MIS18A: variants seen among roughly 807,000 people sequenced by gnomAD.
MIS18A encodes the protein MIS18 kinetochore protein A, also known as protein Mis18-alpha.
Under a neutral mutation model 25.0 loss-of-function variants are expected in MIS18A, and 14 were observed. That is an observed-to-expected ratio of 0.56 (90% CI 0.37 to 0.88). The LOEUF is 0.88. Among genes scored for constraint, MIS18A ranks in the 40% least tolerant of loss-of-function variants. The probability of loss-of-function intolerance (pLI) is 0.00; values close to 1 mark genes in which losing one functional copy is unlikely to be tolerated. For synonymous variants in MIS18A, 134 were observed against 118.6 expected (o/e 1.13, Z -0.84); for missense variants, 292 against 290.8 (o/e 1.00, Z -0.03).
At chr21:32,213,592 T>A in the MIS18A span, among the ~76,000 whole-genome samples, 4 of 152,204 alleles carry the variant, frequency 2.6e-5, no homozygotes, top group Non-Finnish European at 4.4e-5. Flanking sequence ...CTCTGTACCC[T>A]TTTCTACCTT....
chr21:32,255,628 G>A, the MIS18A span, among the ~76,000 whole-genome samples: 2 of 150,208 alleles, frequency 1.3e-5, no homozygotes, highest in African/African-American at 4.9e-5. Context: ...GGTGGCTCAC[G>A]CCTGTAATCC....
the MIS18A span, among the ~76,000 whole-genome samples, chr21:32,194,249 C>T: frequency 2.6e-5 from 4 of 152,262 alleles, no homozygotes; most frequent in Non-Finnish European, 5.9e-5. Flanking sequence ...TTTATCACAG[C>T]ACTATTCCCA....
chr21:32,192,148 T>C, the MIS18A span, among the ~76,000 whole-genome samples: 2 of 152,320 alleles, frequency 1.3e-5, no homozygotes, highest in Non-Finnish European at 2.9e-5. Flanking sequence ...AGTAGACTCC[T>C]GTGCCCAGAT....
chr21:32,271,988 G>A (rs758280211), intron 2 of MIS18A, among the ~76,000 whole-genome samples: 143 of 152,228 alleles, frequency 9.4e-4, no homozygotes, highest in South Asian at 8.3e-4. Flanking sequence ...GTTTTATCCC[G>A]AGTTATCAAA....
intron 2 of MIS18A, among the ~76,000 whole-genome samples, chr21:32,271,421 TCA>T (rs2031712606): frequency 6.6e-6 from 1 of 152,190 alleles, no homozygotes; most frequent in Admixed American, 6.5e-5. Flanking sequence ...TACCCAAGAC[TCA>T]CAGATTATAG....
intron 2 of MIS18A, 91 bp downstream of exon 2, chr21:32,274,739 C>A (rs2031778674): frequency 2.0e-6 from 2 of 990,290 alleles, no homozygotes; most frequent in Non-Finnish European, 3.0e-6. Flanking sequence ...AAAGTTTTAT[C>A]CCAAGTAATC....
the MIS18A span, among the ~76,000 whole-genome samples, chr21:32,210,528 G>C: frequency 6.6e-6 from 1 of 152,084 alleles, no homozygotes; most frequent in Non-Finnish European, 1.5e-5. Context: ...CATCAGATGG[G>C]ATCAGTGTAT....
the MIS18A span, among the ~76,000 whole-genome samples, chr21:32,208,763 G>T: frequency 6.6e-6 from 1 of 152,162 alleles, no homozygotes; most frequent in East Asian, 1.9e-4. Flanking sequence ...TAACTACTCA[G>T]CATAAATGTG....
chr21:32,255,161 C>G, the MIS18A span, among the ~76,000 whole-genome samples: 2 of 151,936 alleles, frequency 1.3e-5, no homozygotes, highest in African/African-American at 2.4e-5. Context: ...ATTGTAGATA[C>G]TTTTACTGTC....
the MIS18A span, among the ~76,000 whole-genome samples, chr21:32,158,636 A>C: frequency 0.032 from 4,920 of 152,018 alleles, 113 homozygotes; most frequent in Middle Eastern, 0.099. Flanking sequence ...CACCATGCCC[A>C]GCTAATTTTT....
the MIS18A span, among the ~76,000 whole-genome samples, chr21:32,236,079 T>TA: frequency 1.3e-5 from 2 of 151,450 alleles, no homozygotes; most frequent in East Asian, 1.9e-4. Flanking sequence ...TTATTTAAAA[T>TA]AAAAAAAAGA....
At chr21:32,274,983 GA>G in intron 1 of MIS18A, 87 bp from the exon 2 acceptor site, 1 of 1,097,404 alleles carries the variant, frequency 9.1e-7, no homozygotes, top group Middle Eastern at 2.1e-4. Flanking sequence ...CAACTTTTTA[GA>G]ACTCGGAGGA....
the MIS18A span, among the ~76,000 whole-genome samples, chr21:32,182,711 G>GC: frequency 6.6e-6 from 1 of 152,312 alleles, no homozygotes; most frequent in African/African-American, 2.4e-5. Flanking sequence ...CACAGGCCTG[G>GC]ATTCCAGCTT....
chr21:32,159,149 T>C, the MIS18A span, among the ~76,000 whole-genome samples: 7 of 152,184 alleles, frequency 4.6e-5, no homozygotes, highest in African/African-American at 1.7e-4. Context: ...TTTCCTACAA[T>C]TCTTAAATTG....
chr21:32,277,662 A>C lies in MIS18A; in HGVS notation c.334+1019T>G, dbSNP rs1406848527. On this transcript the variant is annotated intron_variant, in intron 1 of 4. Transcript: ENST00000290130. ...GCTGATCTGGAATTTTTGTATTTTT[A>C]GTAGAGATGGGGTTTCATTCACCAT... Among the ~76,000 whole-genome samples the C allele has an allele frequency of 2.0e-5, 3 of 152,128 alleles. No individual in the cohort carries two copies. The Middle Eastern group carries it at 9.5e-3, about 481-fold the overall frequency.
chr21:32,213,700 G>T, the MIS18A span, among the ~76,000 whole-genome samples: 1 of 152,166 alleles, frequency 6.6e-6, no homozygotes, highest in Non-Finnish European at 1.5e-5. Flanking sequence ...CTCTTCTAAC[G>T]TTCTCAGGGT....
the MIS18A span, among the ~76,000 whole-genome samples, chr21:32,159,293 G>C: frequency 1.4e-4 from 22 of 152,238 alleles, no homozygotes; most frequent in Non-Finnish European, 8.8e-5. Context: ...CTAAAACTGT[G>C]AGAGCCAATA....
the MIS18A span, among the ~76,000 whole-genome samples, chr21:32,155,011 C>T: frequency 6.6e-6 from 1 of 152,086 alleles, no homozygotes; most frequent in African/African-American, 2.4e-5. Flanking sequence ...ATTAGCTATA[C>T]AAAACATAAG....
the MIS18A span, among the ~76,000 whole-genome samples, chr21:32,187,951 C>G: frequency 6.6e-6 from 1 of 152,014 alleles, no homozygotes; most frequent in Admixed American, 6.5e-5. Flanking sequence ...GTCGGGCCCC[C>G]ATGATGAGAT....
Sources: allele counts gnomAD v4.1 joint callset (sites outside exome capture counted in the v4.1 genomes callset), GRCh38; gene constraint gnomAD v4.1.1; transcripts MANE v1.5; gene names NCBI Gene and HGNC (gene_info 2026-07-23, HGNC 2026-07-21).